Variants in IQCM observed in about 807,000 individuals in gnomAD.
IQCM encodes the protein IQ domain-containing protein M.
In IQCM, 45 loss-of-function variants were observed where a neutral mutation model predicts 57.6. The observed-to-expected ratio is 0.78, with a 90% CI of 0.62 to 1.00. The LOEUF (loss-of-function observed/expected upper bound fraction) is 1.00, where lower values mean the gene tolerates loss of function less well. IQCM is among the 50% of genes least tolerant of loss of function. IQCM has a pLI of 0.00. For synonymous variants in IQCM, 148 were observed against 158.9 expected (o/e 0.93, Z 0.51); for missense variants, 468 against 511.6 (o/e 0.91, Z 0.82).
In IQCM at chr4:149,518,207, T is replaced by C. The variant is rs1400173553; in HGVS notation, c.1228+30248A>G. ...ATGGCCAAGTACAATATCAAGAATG[T>C]AGGGAAGTATACTCCTACCATGAAG... is the stretch of plus-strand genomic sequence containing the variant. On this transcript the variant is annotated intron_variant, in intron 12 of 13. Coordinates refer to ENST00000636793, the MANE Select transcript of IQCM (RefSeq NM_001363507.2). Among the ~76,000 whole-genome samples the C allele has an allele frequency of 2.6e-5, 4 of 152,022 alleles. No homozygotes were observed. The East Asian group carries it at 7.8e-4, about 29-fold the overall frequency.
intron 11 of IQCM, among the ~76,000 whole-genome samples, chr4:149,549,585 C>G (rs1246949569): frequency 6.7e-6 from 1 of 149,756 alleles, no homozygotes; most frequent in East Asian, 2.0e-4. Context: ...CTTTTTTTCT[C>G]TTTTCAAAAA....
chr4:149,465,523 T>C (rs1442602995), intron 12 of IQCM, among the ~76,000 whole-genome samples: 1 of 152,160 alleles, frequency 6.6e-6, no homozygotes, highest in East Asian at 1.9e-4. Context: ...ATATATACTG[T>C]GGATCAAGTA....
chr4:149,467,373 C>A (rs972871259), intron 12 of IQCM, among the ~76,000 whole-genome samples: 23 of 152,212 alleles, frequency 1.5e-4, no homozygotes, highest in African/African-American at 5.5e-4. Context: ...GTAATAACAA[C>A]AAATATGTAT....
intron 12 of IQCM, among the ~76,000 whole-genome samples, chr4:149,448,628 T>G (rs1345031392): frequency 6.6e-6 from 1 of 151,698 alleles, no homozygotes; most frequent in Non-Finnish European, 1.5e-5. Flanking sequence ...AATTTTTCAA[T>G]ATCAGGAATG....
intron 5 of IQCM, among the ~76,000 whole-genome samples, chr4:149,703,668 C>A (rs969035054): frequency 6.6e-6 from 1 of 151,674 alleles, no homozygotes; most frequent in Non-Finnish European, 1.5e-5. Context: ...ATGGTCTGAG[C>A]CATCAATAAA....
chr4:149,745,495 A>G (rs542319888), intron 2 of IQCM, among the ~76,000 whole-genome samples: 2 of 152,326 alleles, frequency 1.3e-5, no homozygotes, highest in Admixed American at 1.3e-4. Flanking sequence ...TTCCTTCAGC[A>G]CATTTGTGAA....
chr4:149,367,322 T>C (rs1176169440), intron 13 of IQCM, among the ~76,000 whole-genome samples: 1 of 151,986 alleles, frequency 6.6e-6, no homozygotes, highest in Non-Finnish European at 1.5e-5. Context: ...AAAACAGAGG[T>C]AATTCACTTC....
At position 149,523,896 on chromosome 4, in the gene IQCM, G is replaced by A. The variant is rs183929224; in HGVS notation, c.1228+24559C>T. On this transcript the variant is annotated intron_variant, in intron 12 of 13. Coordinates refer to ENST00000636793, the MANE Select transcript of IQCM (RefSeq NM_001363507.2). ...ACCAAAGGAAAAGGGCAGAGTAAACGCATTCTAGACTGAAGAGTGGGTGGA... is the reference window on the plus strand; with the variant it reads ...ACCAAAGGAAAAGGGCAGAGTAAACACATTCTAGACTGAAGAGTGGGTGGA... 4.0e-4 allele frequency among the ~76,000 whole-genome samples: 61 copies of A among 152,172 alleles called. No homozygotes were observed. The East Asian group carries it at 7.9e-3, about 20-fold the overall frequency.
At chr4:149,363,652 C>A (rs949078743) in intron 13 of IQCM, among the ~76,000 whole-genome samples, 1 of 152,078 alleles carries the variant, frequency 6.6e-6, no homozygotes, top group South Asian at 2.1e-4. Context: ...GGAAACAAAT[C>A]ACCTCATTTC....
chr4:149,385,604 T>C (rs909249447), intron 13 of IQCM, among the ~76,000 whole-genome samples: 6 of 152,108 alleles, frequency 3.9e-5, no homozygotes, highest in Non-Finnish European at 7.4e-5. Flanking sequence ...AAATCTATCA[T>C]GCTTGACATG....
chr4:149,745,301 G>A (rs188797687), intron 2 of IQCM, among the ~76,000 whole-genome samples: 6 of 152,334 alleles, frequency 3.9e-5, no homozygotes, highest in Non-Finnish European at 7.3e-5. Context: ...TTTTTGAACA[G>A]GGCATTGACA....
chr4:149,546,714 A>T (rs1748474855), intron 12 of IQCM, among the ~76,000 whole-genome samples: 1 of 151,976 alleles, frequency 6.6e-6, no homozygotes, highest in African/African-American at 2.4e-5. Flanking sequence ...TAGATTCTGG[A>T]TATTAGCCCT....
intron 10 of IQCM, among the ~76,000 whole-genome samples, chr4:149,558,119 T>A (rs1749763664): frequency 6.6e-6 from 1 of 152,226 alleles, no homozygotes; most frequent in Admixed American, 6.5e-5. Flanking sequence ...GTTTGTGGAA[T>A]ACTCATCTTC....
At chr4:149,658,642 T>C (rs1309190540) in intron 7 of IQCM, among the ~76,000 whole-genome samples, 1 of 152,120 alleles carries the variant, frequency 6.6e-6, no homozygotes, top group Non-Finnish European at 1.5e-5. Flanking sequence ...ATTTGTGCCT[T>C]CCTCAATTTC....
intron 13 of IQCM, among the ~76,000 whole-genome samples, chr4:149,376,257 T>C (rs764490601): frequency 1.3e-5 from 2 of 152,100 alleles, no homozygotes; most frequent in Admixed American, 6.6e-5. Flanking sequence ...GGTTTTCCCA[T>C]GTTTTTCAAT....
At chr4:149,586,685 A>T (rs531972549) in intron 9 of IQCM, among the ~76,000 whole-genome samples, 1 of 151,774 alleles carries the variant, frequency 6.6e-6, no homozygotes, top group African/African-American at 2.4e-5. Context: ...GTAGTCTTCT[A>T]TAACTGTCAT....
intron 2 of IQCM, among the ~76,000 whole-genome samples, chr4:149,773,582 C>G (rs13109074): frequency 0.13 from 19,249 of 151,980 alleles, 1,289 homozygotes; most frequent in East Asian, 0.19. Context: ...ATTTAATCCA[C>G]ATTTCTCACA....
At chr4:149,358,844 C>CAGTATATCAAGATATACTCTCATG (rs1729209943) in intron 13 of IQCM, among the ~76,000 whole-genome samples, 1 of 108,026 alleles carries the variant, frequency 9.3e-6, no homozygotes. Context: ...GCACAGTGGA[C>CAGTATATCAAGATATACTCTCATG]AGTATATCAT....
intron 5 of IQCM, among the ~76,000 whole-genome samples, chr4:149,729,476 G>GT (rs931707531): frequency 1.9e-4 from 28 of 146,576 alleles, no homozygotes; most frequent in East Asian, 9.9e-4. Context: ...TTTTTTTGTT[G>GT]TTTTTTTTAC....
Sources: gnomAD v4.1 joint callset for allele counts (sites outside exome capture counted in the v4.1 genomes callset) on GRCh38, gnomAD v4.1.1 for gene constraint, MANE v1.5 for transcripts, NCBI Gene and HGNC (gene_info 2026-07-23, HGNC 2026-07-21) for gene names.